Variants in DACH2 observed in about 807,000 individuals in gnomAD.
DACH2 encodes dachshund family transcription factor 2.
A neutral mutation model predicts 35.8 loss-of-function variants in DACH2; 17 were observed. The observed-to-expected ratio is 0.48, with a 90% confidence interval of 0.33 to 0.71. The LOEUF (loss-of-function observed/expected upper bound fraction) is 0.71. Ranked by LOEUF, DACH2 falls within the 30% of genes least tolerant of loss-of-function variation. The pLI, the probability that DACH2 is intolerant of heterozygous loss-of-function variation, is 0.02. For missense variants in DACH2, 469 were observed against 472.7 expected, an observed-to-expected ratio of 0.99 and a Z score of 0.07; for synonymous variants, 195 against 177.3, an observed-to-expected ratio of 1.10 and a Z score of -0.79.
rs1425500308 is a variant in DACH2 at position 86,376,853 on chromosome X, C to CTGTTT, written c.522_523insTTGTT (p.Asn175LeufsTer25). 3 of 819,623 alleles carry CTGTTT rather than the reference C, an allele frequency of 3.7e-6. No homozygotes were observed. Among genetic ancestry groups the CTGTTT allele is most frequent in the Non-Finnish European group, 5.5e-6 (3 of 549,003 alleles). 67.5% of individuals were successfully genotyped at this position (819,623 alleles called of 1,213,427 possible). A position where few individuals can be genotyped will look rare whatever the true frequency, so the allele number is the denominator to read the frequency against. On this transcript the variant is annotated frameshift_variant, in exon 2 of 12. Coordinates refer to ENST00000373125, the MANE Select transcript of DACH2 (RefSeq NM_053281.3). LOFTEE classifies it high-confidence loss of function. Reference sequence around the variant, plus strand: ...AAGAGGCAAATGACAAGAAAACAAGCTGTTAACAGGTATTTATGTATTTAT... The same window carrying CTGTTT: ...AAGAGGCAAATGACAAGAAAACAAGCTGTTTTGTTAACAGGTATTTATGTATTTAT...
At chrX:86,550,181 A>G (rs187451235) in intron 3 of DACH2, among the ~76,000 whole-genome samples, 2 of 111,784 alleles carry the variant, frequency 1.8e-5, no homozygotes, top group Admixed American at 1.9e-4. Context: ...TGAAAGATGC[A>G]TTTTGATATT....
intron 1 of DACH2, among the ~76,000 whole-genome samples, chrX:86,281,640 G>T (rs1370704331): frequency 9.0e-6 from 1 of 111,408 alleles, no homozygotes; most frequent in Admixed American, 9.6e-5. Context: ...AATATTGGAA[G>T]ATCCGGCCAG....
chrX:86,348,227 C>A (rs1230746569), intron 1 of DACH2, among the ~76,000 whole-genome samples: 1 of 111,769 alleles, frequency 8.9e-6, no homozygotes, highest in African/African-American at 3.3e-5. Flanking sequence ...CCCTTATCAT[C>A]TCGGACTGTT....
chrX:86,624,086 G>T (rs1485989966), intron 3 of DACH2, among the ~76,000 whole-genome samples: 1 of 104,121 alleles, frequency 9.6e-6, no homozygotes. Context: ...AAAAAAAGTG[G>T]CTGTGCAGTT....
intron 1 of DACH2, chrX:86,262,894 T>A: frequency 2.3e-6 from 1 of 434,297 alleles, no homozygotes; most frequent in Non-Finnish European, 2.9e-6. Flanking sequence ...AATATGTCAC[T>A]GTTCAGAAAT....
intron 7 of DACH2, among the ~76,000 whole-genome samples, chrX:86,749,353 C>T (rs925564751): frequency 9.0e-6 from 1 of 111,524 alleles, no homozygotes; most frequent in South Asian, 3.7e-4. Flanking sequence ...TTCTAGCTTT[C>T]GATTTAAAGC....
intron 2 of DACH2, among the ~76,000 whole-genome samples, chrX:86,386,015 G>T (rs778003683): frequency 3.6e-5 from 4 of 111,880 alleles, no homozygotes; most frequent in Admixed American, 2.8e-4. Flanking sequence ...CCTAACTAAT[G>T]AACCAGTATT....
chrX:86,345,535 AAT>A (rs2035481856), intron 1 of DACH2: 1 of 198,598 alleles, frequency 5.0e-6, no homozygotes, highest in Non-Finnish European at 9.5e-6. Context: ...AGAAAAGATC[AAT>A]GAAGTACAGA....
chrX:86,752,210 A>T (rs2041781035), intron 7 of DACH2, among the ~76,000 whole-genome samples: 2 of 111,271 alleles, frequency 1.8e-5, no homozygotes, highest in Admixed American at 9.6e-5. Flanking sequence ...CTATAATAAA[A>T]TTTGAAATGT....
At chrX:86,612,958 T>C (rs1278961008) in intron 3 of DACH2, among the ~76,000 whole-genome samples, 2 of 112,495 alleles carry the variant, frequency 1.8e-5, no homozygotes, top group African/African-American at 6.5e-5. Flanking sequence ...GCTTTTAAAG[T>C]TACAGAATAC....
intron 3 of DACH2, among the ~76,000 whole-genome samples, chrX:86,536,954 G>A (rs772541414): frequency 9.0e-6 from 1 of 111,164 alleles, no homozygotes; most frequent in Non-Finnish European, 1.9e-5. Flanking sequence ...GGGTCTTGTG[G>A]ATGGCCTCAC....
intron 3 of DACH2, among the ~76,000 whole-genome samples, chrX:86,525,719 C>G (rs1195106377): frequency 9.0e-6 from 1 of 111,400 alleles, no homozygotes; most frequent in African/African-American, 3.3e-5. Context: ...ATCACTGATG[C>G]CTACACACTG....
intron 11 of DACH2, among the ~76,000 whole-genome samples, chrX:86,821,035 G>A (rs1180780883): frequency 9.0e-6 from 1 of 111,253 alleles, no homozygotes; most frequent in Non-Finnish European, 1.9e-5. Context: ...CCATGTATGT[G>A]ATATGACAAG....
chrX:86,153,353 G>A (rs2030432388), intron 1 of DACH2, among the ~76,000 whole-genome samples: 1 of 111,049 alleles, frequency 9.0e-6, no homozygotes. Flanking sequence ...TAATATCAAA[G>A]CACATTTTAC....
chrX:86,475,711 T>G (rs983076087), intron 2 of DACH2, among the ~76,000 whole-genome samples: 2 of 111,959 alleles, frequency 1.8e-5, no homozygotes, highest in Non-Finnish European at 3.8e-5. Context: ...TAAGAACTTC[T>G]GGTATGATGT....
chrX:86,497,352 T>A (rs1355233938), intron 2 of DACH2, among the ~76,000 whole-genome samples: 1 of 111,979 alleles, frequency 8.9e-6, no homozygotes, highest in Admixed American at 9.5e-5. Context: ...GGACTTTAGA[T>A]ATAGAGTATG....
At chrX:86,607,120 C>T (rs965032891) in intron 3 of DACH2, among the ~76,000 whole-genome samples, 3 of 111,004 alleles carry the variant, frequency 2.7e-5, no homozygotes, top group African/African-American at 9.8e-5. Context: ...ATCAATGGTT[C>T]TTTTCTATTA....
intron 2 of DACH2, among the ~76,000 whole-genome samples, chrX:86,483,409 T>C (rs1382101604): frequency 8.9e-6 from 1 of 111,893 alleles, no homozygotes; most frequent in Non-Finnish European, 1.9e-5. Context: ...CAAATCATTT[T>C]TCCTTTGGGA....
chrX:86,567,055 G>T (rs2039302292), intron 3 of DACH2, among the ~76,000 whole-genome samples: 1 of 111,423 alleles, frequency 9.0e-6, no homozygotes, highest in Admixed American at 9.6e-5. Context: ...TCAGTGTGGT[G>T]TATTTCAGTG....
Sources: gnomAD v4.1 joint callset for allele counts (sites outside exome capture counted in the v4.1 genomes callset) on GRCh38, gnomAD v4.1.1 for gene constraint, MANE v1.5 for transcripts, NCBI Gene and HGNC (gene_info 2026-07-23, HGNC 2026-07-21) for gene names.